CRHR1: variants seen among roughly 807,000 people sequenced by gnomAD.
The protein encoded by CRHR1 is corticotropin releasing hormone receptor 1, also known as corticotropin-releasing hormone receptor 1.
In CRHR1, 28 loss-of-function variants were observed where a neutral mutation model predicts 56.0. The observed-to-expected ratio is 0.50, with a 90% CI of 0.37 to 0.69. The LOEUF (loss-of-function observed/expected upper bound fraction) is 0.69, where lower values mean the gene tolerates loss of function less well. CRHR1 is among the 30% of genes least tolerant of loss of function. The pLI is 0.00. For missense variants in CRHR1, 376 were observed against 548.0 expected, an observed-to-expected ratio of 0.69 and a Z score of 3.13; for synonymous variants, 195 against 216.5, an observed-to-expected ratio of 0.90 and a Z score of 0.87.
At chr17:45,803,281 C>G (rs1393848384) in intron 1 of CRHR1, among the ~76,000 whole-genome samples, 2 of 152,140 alleles carry the variant, frequency 1.3e-5, no homozygotes, top group South Asian at 4.1e-4. Context: ...GACCGGAGCA[C>G]GAAGCACAGC....
intron 1 of CRHR1, chr17:45,800,223 G>A (rs1226940066): frequency 1.3e-5 from 2 of 152,264 alleles, no homozygotes; most frequent in African/African-American, 4.8e-5. Context: ...AGACCACCAA[G>A]GGGGTTGGAG....
At position 45,829,948 on chromosome 17, in the gene CRHR1, T is replaced by A. The variant is rs974175916; in HGVS notation, c.435-146T>A. 3.1e-6 allele frequency: 4 copies of A among 1,302,450 alleles called. No homozygotes were observed. The African/African-American group carries it at 5.8e-5, about 19-fold the overall frequency. 80.7% of individuals were successfully genotyped at this position (1,302,450 alleles called of 1,614,324 possible). ...ATGGGGCATTAGGAGAGCCTGGCTG[T>A]CACCTCCCTGTGTGACTTGGCCAGT... is the stretch of plus-strand genomic sequence containing the variant. On this transcript the variant is annotated intron_variant, in intron 5 of 12. Coordinates refer to ENST00000314537, the MANE Select transcript of CRHR1 (RefSeq NM_004382.5).
At chr17:45,805,547 A>C (rs2061703357) in intron 1 of CRHR1, among the ~76,000 whole-genome samples, 1 of 152,210 alleles carries the variant, frequency 6.6e-6, no homozygotes, top group Non-Finnish European at 1.5e-5. Context: ...CAGTTGGTAC[A>C]GAAATGGGCT....
At chr17:45,809,725 C>T (rs541281475) in intron 2 of CRHR1, among the ~76,000 whole-genome samples, 190 of 152,338 alleles carry the variant, frequency 1.2e-3, no homozygotes, top group African/African-American at 4.4e-3. Flanking sequence ...CTGGCCGGGG[C>T]GGCTGGCACC....
chr17:45,809,985 T>G (rs1222417221), intron 2 of CRHR1, among the ~76,000 whole-genome samples: 2 of 152,174 alleles, frequency 1.3e-5, no homozygotes. Flanking sequence ...TGAATGATAA[T>G]TAATAATAGC....
intron 3 of CRHR1, among the ~76,000 whole-genome samples, chr17:45,817,685 G>A (rs553125731): frequency 6.6e-6 from 1 of 152,218 alleles, no homozygotes; most frequent in Non-Finnish European, 1.5e-5. Context: ...GACTCCCCAG[G>A]GAGTGACTTG....
chr17:45,786,942 T>C (rs1033798887), intron 1 of CRHR1, among the ~76,000 whole-genome samples: 2 of 152,126 alleles, frequency 1.3e-5, no homozygotes, highest in African/African-American at 4.8e-5. Context: ...TGCCCGGCCA[T>C]TACCAGAAAA....
chr17:45,805,328 C>T (rs147436248), intron 1 of CRHR1, among the ~76,000 whole-genome samples: 18 of 152,298 alleles, frequency 1.2e-4, no homozygotes, highest in African/African-American at 4.3e-4. Flanking sequence ...CTTTTGCACT[C>T]ACCACGTGGA....
chr17:45,793,546 G>A (rs2061464668), intron 1 of CRHR1, among the ~76,000 whole-genome samples: 1 of 152,186 alleles, frequency 6.6e-6, no homozygotes, highest in Admixed American at 6.5e-5. Context: ...GGCATTCCTG[G>A]TACCTTCGTG....
intron 8 of CRHR1, among the ~76,000 whole-genome samples, chr17:45,832,464 T>C (rs1031241113): frequency 4.6e-5 from 7 of 152,156 alleles, no homozygotes; most frequent in African/African-American, 1.7e-4. Context: ...AGCCAACCTT[T>C]AAAAAATCCA....
chr17:45,818,016 TG>T (rs1192823873), intron 3 of CRHR1, among the ~76,000 whole-genome samples: 1 of 152,182 alleles, frequency 6.6e-6, no homozygotes. Flanking sequence ...CTCACGATGC[TG>T]GGGGCTGAGT....
At chr17:45,785,188 T>C (rs938467443) in intron 1 of CRHR1, among the ~76,000 whole-genome samples, 2 of 152,212 alleles carry the variant, frequency 1.3e-5, no homozygotes, top group African/African-American at 4.8e-5. Context: ...GCGACGCTCG[T>C]TCTCCGAGCC....
At position 45,833,137 on chromosome 17, in the gene CRHR1, GGT is replaced by G; in HGVS notation, c.772_773del (p.Cys258LeufsTer47). On this transcript the variant is annotated frameshift_variant and splice_region_variant, in exon 9 of 13. Coordinates refer to ENST00000314537, the MANE Select transcript of CRHR1 (RefSeq NM_004382.5). LOFTEE classifies it high-confidence loss of function. The stretch of plus-strand genomic sequence containing the variant: ...CTCCCCTTTCCTCTGTGGCCTTCTA[GGT>G]GCTGGTTTGGCAAAAGGCCTGGGGT... 4 of 1,613,676 alleles carry G rather than the reference GGT, an allele frequency of 2.5e-6. No homozygotes were observed. The highest frequency in any genetic ancestry group is 3.4e-6 in the Non-Finnish European group (4 of 1,179,586).
At position 45,829,331 on chromosome 17, in the gene CRHR1, C is replaced by T. The variant is rs768267379; in HGVS notation, c.434+10C>T. 1 of 1,605,922 alleles carries T rather than the reference C, an allele frequency of 6.2e-7. No individual in the cohort carries two copies. Among genetic ancestry groups the T allele is most frequent in the East Asian group, 2.2e-5 (1 of 44,836 alleles). On this transcript the variant is annotated intron_variant, in intron 5 of 12. Coordinates refer to ENST00000314537, the MANE Select transcript of CRHR1 (RefSeq NM_004382.5). ...TCTTTCTGCGGCTCAGGTGAGAAGACCCCAGCACTGCCTCCTCCTGTCCCC... is the reference window on the plus strand; with the variant it reads ...TCTTTCTGCGGCTCAGGTGAGAAGATCCCAGCACTGCCTCCTCCTGTCCCC...
intron 7 of CRHR1, 75 bp from the exon 8 acceptor site, chr17:45,830,805 G>A: frequency 2.7e-6 from 4 of 1,472,568 alleles, no homozygotes; most frequent in Non-Finnish European, 3.7e-6. Flanking sequence ...TGGAGCCTGG[G>A]CTGCACTGGG....
intron 1 of CRHR1, among the ~76,000 whole-genome samples, chr17:45,798,528 G>GAAAAAAAA (rs77104565): frequency 1.1e-4 from 13 of 113,612 alleles, no homozygotes; most frequent in African/African-American, 3.7e-4. Context: ...TCCGTCTCGG[G>GAAAAAAAA]AAAAAAAAAA....
At chr17:45,807,952 T>C (rs1455820528) in intron 2 of CRHR1, among the ~76,000 whole-genome samples, 1 of 152,110 alleles carries the variant, frequency 6.6e-6, no homozygotes, top group Non-Finnish European at 1.5e-5. Flanking sequence ...GGCATGTCTT[T>C]TAAAACTTTG....
chr17:45,792,396 A>G (rs1248297541), intron 1 of CRHR1, among the ~76,000 whole-genome samples: 1 of 152,108 alleles, frequency 6.6e-6, no homozygotes, highest in Non-Finnish European at 1.5e-5. Context: ...GGCCCACACA[A>G]GTGACCCCAT....
chr17:45,793,381 G>A (rs941115986), intron 1 of CRHR1, among the ~76,000 whole-genome samples: 1 of 152,198 alleles, frequency 6.6e-6, no homozygotes, highest in Non-Finnish European at 1.5e-5. Context: ...CAGAAGCTGG[G>A]GCCTCCAGAG....
Sources: allele counts gnomAD v4.1 joint callset (sites outside exome capture counted in the v4.1 genomes callset), GRCh38; gene constraint gnomAD v4.1.1; transcripts MANE v1.5; gene names NCBI Gene and HGNC (gene_info 2026-07-23, HGNC 2026-07-21).